The following AP1S3 variants were observed in gnomAD, a reference collection of about 807,000 sequenced individuals.
AP1S3 encodes AP-1 complex subunit sigma-3.
A neutral mutation model predicts 20.9 loss-of-function variants in AP1S3; 10 were observed. That is an observed-to-expected ratio of 0.48 (90% CI 0.29 to 0.81). The LOEUF is 0.81. Ranked by LOEUF, AP1S3 falls within the 30% of genes least tolerant of loss-of-function variation. The pLI is 0.08. For missense variants in AP1S3, 154 were observed against 183.8 expected (o/e 0.84, Z 0.94); for synonymous variants, 41 against 61.5 (o/e 0.67, Z 1.56).
chr2:223,780,336 G>T (rs1690905022), intron 1 of AP1S3, among the ~76,000 whole-genome samples: 1 of 127,890 alleles, frequency 7.8e-6, no homozygotes, highest in Non-Finnish European at 1.6e-5. Flanking sequence ...GAGAGAGAGA[G>T]AGAGAGAGAG....
chr2:223,830,596 T>G lies in AP1S3; in HGVS notation c.3+6852A>C, dbSNP rs1045430168. 2.0e-5 allele frequency among the ~76,000 whole-genome samples: 3 copies of G among 152,196 alleles called. No homozygotes were observed. The East Asian group carries it at 5.8e-4, about 29-fold the overall frequency. ...CGCAGAAGGTATGGGCACCCCAGTT[T>G]GCAAACCATGCCTTCATTCCTCATC... On this transcript the variant is annotated intron_variant, in intron 1 of 4. Transcript: ENST00000396654.
At chr2:223,822,018 T>G (rs996693017) in intron 1 of AP1S3, among the ~76,000 whole-genome samples, 6 of 152,256 alleles carry the variant, frequency 3.9e-5, no homozygotes, top group Admixed American at 3.9e-4. Context: ...CGAAGTCCCC[T>G]CATCGTCCAG....
chr2:223,771,347 A>G (rs1690619440), intron 3 of AP1S3, among the ~76,000 whole-genome samples: 1 of 152,110 alleles, frequency 6.6e-6, no homozygotes, highest in Non-Finnish European at 1.5e-5. Context: ...GGGAAAAAGA[A>G]ACAAAATAAA....
chr2:223,781,719 A>G (rs1690951409), intron 1 of AP1S3, among the ~76,000 whole-genome samples: 1 of 152,200 alleles, frequency 6.6e-6, no homozygotes, highest in South Asian at 2.1e-4. Context: ...TAGAATGGTT[A>G]TAGGAACACA....
At chr2:223,805,188 G>C (rs528560080) in intron 1 of AP1S3, among the ~76,000 whole-genome samples, 1 of 152,160 alleles carries the variant, frequency 6.6e-6, no homozygotes, top group South Asian at 2.1e-4. Context: ...CCTCTAATCC[G>C]AGCACTTTGA....
intron 1 of AP1S3, among the ~76,000 whole-genome samples, chr2:223,823,648 C>G (rs79238202): frequency 0.17 from 25,771 of 152,046 alleles, 2,786 homozygotes; most frequent in East Asian, 0.41. Flanking sequence ...TAGACAACAG[C>G]AGTAAATTCA....
At chr2:223,826,364 G>A (rs185589532) in intron 1 of AP1S3, among the ~76,000 whole-genome samples, 173 of 152,026 alleles carry the variant, frequency 1.1e-3, no homozygotes, top group Admixed American at 2.4e-3. Flanking sequence ...AGGCCAAGGC[G>A]GGCAGATCAC....
chr2:223,837,360 C>T, intron 1 of AP1S3, 88 bp downstream of exon 1: 4 of 734,664 alleles, frequency 5.4e-6, no homozygotes, highest in Non-Finnish European at 7.4e-6. Flanking sequence ...CCCACCCGGC[C>T]GCGCGCCCGG....
intron 1 of AP1S3, among the ~76,000 whole-genome samples, chr2:223,797,889 G>A (rs913088716): frequency 3.3e-5 from 5 of 152,258 alleles, no homozygotes; most frequent in South Asian, 2.1e-4. Flanking sequence ...TGAATCAGAT[G>A]ATAGCTGGAG....
At position 223,756,302 on chromosome 2, in the gene AP1S3, A is replaced by C. The variant is rs1458186506; in HGVS notation, c.*2413T>G. ...CAGTGACCTGAGATCACACCATTGC[A>C]CTCTGGCCTGGGTGACAAGAAGCGA... is the stretch of plus-strand genomic sequence containing the variant. On this transcript the variant is annotated 3_prime_UTR_variant, in exon 5 of 5. Coordinates refer to ENST00000396654, the MANE Select transcript of AP1S3 (RefSeq NM_001039569.2). Among the ~76,000 whole-genome samples the C allele has an allele frequency of 6.6e-6, 1 of 150,800 alleles. No homozygotes were observed. Among genetic ancestry groups the C allele is most frequent in the East Asian group, 2.0e-4 (1 of 4,970 alleles).
intron 1 of AP1S3, 109 bp from the exon 2 acceptor site, chr2:223,777,978 G>T: frequency 1.0e-6 from 1 of 990,080 alleles, no homozygotes; most frequent in South Asian, 2.2e-5. Context: ...AATTCTGAAC[G>T]GATGAAAAAA....
At chr2:223,822,170 G>A (rs574288034) in intron 1 of AP1S3, among the ~76,000 whole-genome samples, 20 of 151,080 alleles carry the variant, frequency 1.3e-4, no homozygotes, top group African/African-American at 4.6e-4. Flanking sequence ...TTGGAGGACT[G>A]CTTGAGCCTA....
Position 223,758,328 on chromosome 2 carries a change from T to C in AP1S3, c.*387A>G. 2.0e-6 allele frequency: 2 copies of C among 988,210 alleles called. No individual in the cohort carries two copies. The highest frequency in any genetic ancestry group is 9.4e-5 in the South Asian group (2 of 21,278). 61.2% of individuals were successfully genotyped at this position (988,210 alleles called of 1,614,324 possible). On this transcript the variant is annotated 3_prime_UTR_variant, in exon 5 of 5. Transcript: ENST00000396654. ...TAGAAAAAGTATTAATGACATCATA[T>C]ATACTTTACATTCAAAATCATGGAT...
chr2:223,808,808 C>G (rs1051256559), intron 1 of AP1S3, among the ~76,000 whole-genome samples: 12 of 152,256 alleles, frequency 7.9e-5, no homozygotes, highest in African/African-American at 2.9e-4. Context: ...GAGTTCAAGA[C>G]CAGCCTGGGC....
chr2:223,777,353 C>A (rs971247635), intron 2 of AP1S3, among the ~76,000 whole-genome samples: 2 of 152,102 alleles, frequency 1.3e-5, no homozygotes, highest in East Asian at 3.9e-4. Flanking sequence ...CAAGATCACG[C>A]CACTGCACTC....
chr2:223,781,233 T>G (rs1690938433), intron 1 of AP1S3, among the ~76,000 whole-genome samples: 1 of 152,144 alleles, frequency 6.6e-6, no homozygotes, highest in Non-Finnish European at 1.5e-5. Context: ...TCTATTCACT[T>G]TCTATTGTGA....
intron 1 of AP1S3, among the ~76,000 whole-genome samples, chr2:223,822,333 T>C (rs1027022930): frequency 6.6e-6 from 1 of 151,436 alleles, no homozygotes; most frequent in South Asian, 2.1e-4. Flanking sequence ...TGGTGAGCCA[T>C]GATCACTCCA....
rs1216481965 is a variant in AP1S3, at chr2:223,755,805, C to T, written c.*2910G>A. The T allele has an allele frequency of 1.0e-6, 1 of 983,472 alleles. No homozygotes were observed. Among genetic ancestry groups the T allele is most frequent in the Non-Finnish European group, 1.2e-6 (1 of 828,284 alleles). 60.9% of individuals were successfully genotyped at this position (983,472 alleles called of 1,614,324 possible). ...TTGACCTCCCAAAGTGCTGGGATTA[C>T]AGGCGTGAGCCACCTTGCCCAGAAG... On this transcript the variant is annotated 3_prime_UTR_variant, in exon 5 of 5. Coordinates refer to ENST00000396654, the MANE Select transcript of AP1S3 (RefSeq NM_001039569.2).
Position 223,758,701 on chromosome 2 carries a change from A to T in AP1S3, c.*14T>A. On this transcript the variant is annotated 3_prime_UTR_variant, in exon 5 of 5. Transcript: ENST00000396654. ...CATAACATGTAGTGCTGGAGTCTTCAAGTAGATTTCCAGTTAAAATGTAGG... is the reference window on the plus strand; with the variant it reads ...CATAACATGTAGTGCTGGAGTCTTCTAGTAGATTTCCAGTTAAAATGTAGG... 1 of 1,607,244 alleles carries T rather than the reference A, an allele frequency of 6.2e-7. No individual in the cohort carries two copies. Among genetic ancestry groups the T allele is most frequent in the Non-Finnish European group, 8.5e-7 (1 of 1,177,000 alleles).
Sources: allele counts gnomAD v4.1 joint callset (sites outside exome capture counted in the v4.1 genomes callset), GRCh38; gene constraint gnomAD v4.1.1; transcripts MANE v1.5; gene names NCBI Gene and HGNC (gene_info 2026-07-23, HGNC 2026-07-21).